The following SERINC1 variants were observed in gnomAD, a reference collection of about 807,000 sequenced individuals.
The protein encoded by SERINC1 is tumor differentially expressed protein 2.
SERINC1 carries 38 observed loss-of-function variants against 52.9 expected under a neutral mutation model. That is an observed-to-expected ratio of 0.72 (90% CI 0.55 to 0.94). The LOEUF (loss-of-function observed/expected upper bound fraction) is 0.94, where lower values mean the gene tolerates loss of function less well. Among genes scored for constraint, SERINC1 ranks in the 40% least tolerant of loss-of-function variants. SERINC1 has a pLI of 0.00. For missense variants in SERINC1, 471 were observed against 533.9 expected, an observed-to-expected ratio of 0.88 and a Z score of 1.16; for synonymous variants, 198 against 183.1, an observed-to-expected ratio of 1.08 and a Z score of -0.66.
chr6:122,451,800 C>G, intron 6 of SERINC1, 46 bp from the exon 7 acceptor site: 2 of 397,982 alleles, frequency 5.0e-6, no homozygotes, highest in Non-Finnish European at 7.2e-6. Context: ...TATATAGCAA[C>G]ACAGGTAAAT....
chr6:122,457,839 A>G (rs1171675153), intron 2 of SERINC1, among the ~76,000 whole-genome samples: 1 of 151,524 alleles, frequency 6.6e-6, no homozygotes, highest in Non-Finnish European at 1.5e-5. Context: ...ACACGATACA[A>G]TACCACCAAG....
intron 7 of SERINC1, among the ~76,000 whole-genome samples, chr6:122,448,211 G>A (rs1774841166): frequency 1.3e-5 from 2 of 151,526 alleles, no homozygotes; most frequent in South Asian, 4.2e-4. Flanking sequence ...TCTTACTAAT[G>A]AAAATGATTC....
At chr6:122,457,444 G>A (rs1327621371) in intron 2 of SERINC1, among the ~76,000 whole-genome samples, 1 of 152,098 alleles carries the variant, frequency 6.6e-6, no homozygotes, top group East Asian at 1.9e-4. Flanking sequence ...TCTACTTACT[G>A]CTGTATATTA....
chr6:122,447,291 G>A lies in SERINC1; in HGVS notation c.851-26C>T, dbSNP rs769339769. ...CTGTAATATAAAGCCAAATTAAAAT[G>A]TTAGAATATATTAAAAAGATGTTTT... is the stretch of plus-strand genomic sequence containing the variant. On this transcript the variant is annotated intron_variant, in intron 7 of 9. Transcript: ENST00000339697. 7 of 1,548,906 alleles carry A rather than the reference G, an allele frequency of 4.5e-6. No individual in the cohort carries two copies. In the Admixed American group the frequency reaches 1.2e-4, roughly 27 times the overall value.
chr6:122,448,513 CAT>C (rs34186745), intron 7 of SERINC1, among the ~76,000 whole-genome samples: 19,801 of 152,020 alleles, frequency 0.13, 1,395 homozygotes, highest in East Asian at 0.21. Flanking sequence ...CTCCTTTCAA[CAT>C]ATGTTTCTAT....
intron 3 of SERINC1, among the ~76,000 whole-genome samples, chr6:122,456,062 GGAA>G (rs1340081990): frequency 6.6e-6 from 1 of 152,062 alleles, no homozygotes; most frequent in Non-Finnish European, 1.5e-5. Flanking sequence ...TCTATATGAA[GGAA>G]GATTGATAAA....
chr6:122,467,501 G>A (rs1212789144), intron 1 of SERINC1, among the ~76,000 whole-genome samples: 1 of 152,148 alleles, frequency 6.6e-6, no homozygotes, highest in East Asian at 1.9e-4. Flanking sequence ...AGCTACTCAG[G>A]AGGCTGAGGC....
chr6:122,446,793 T>C lies in SERINC1; in HGVS notation c.1207A>G (p.Thr403Ala). 3 of 1,610,926 alleles carry C rather than the reference T, an allele frequency of 1.9e-6. No homozygotes were observed. The highest frequency in any genetic ancestry group is 2.5e-6 in the Non-Finnish European group (3 of 1,177,146). ...AAATACCTGTACCAGTTGGTAAGGG[T>C]CATCATGATATAAAGTGAAGCCAGG... ...LFLASLYIMM[T>A]LTNWYRYEPS... The change falls in exon 9 of 10, where the codon ACC becomes GCC. Residue 403 changes from threonine (T) to alanine (A), a missense_variant. Coordinates refer to ENST00000339697, the MANE Select transcript of SERINC1 (RefSeq NM_020755.4).
At chr6:122,450,358 T>C (rs1166195316) in intron 7 of SERINC1, among the ~76,000 whole-genome samples, 1 of 152,218 alleles carries the variant, frequency 6.6e-6, no homozygotes, top group Non-Finnish European at 1.5e-5. Context: ...TTAAGCCCAT[T>C]GTTGGGACTT....
intron 1 of SERINC1, among the ~76,000 whole-genome samples, chr6:122,469,743 G>C (rs1166935016): frequency 6.6e-6 from 1 of 151,942 alleles, no homozygotes; most frequent in East Asian, 1.9e-4. Flanking sequence ...ATTTTTAGTA[G>C]AGACGGGGTT....
chr6:122,467,255 T>A (rs1775206464), intron 1 of SERINC1, among the ~76,000 whole-genome samples: 1 of 152,132 alleles, frequency 6.6e-6, no homozygotes. Flanking sequence ...ATGACATGTA[T>A]CTGAACTTAG....
In SERINC1 at chr6:122,453,807, T is replaced by C. The variant is rs1213488053; in HGVS notation, c.552A>G (p.Glu184=). ...ATCTCGAGTTCCCTTCTTCCATTTT[T>C]TCAACCCACGATTCATTCCATGAAT... ...FAHSWNESWV[E]KMEEGNSRCW... is the part of the protein sequence containing the mutation. The change falls in exon 5 of 10, where the codon GAA becomes GAG. Residue 184 remains glutamate, a synonymous_variant. Transcript: ENST00000339697. 4 of 1,608,522 alleles carry C rather than the reference T, an allele frequency of 2.5e-6. No homozygotes were observed. In the South Asian group the frequency reaches 3.3e-5, roughly 13 times the overall value.
At chr6:122,454,787 A>AT (rs991728815) in intron 3 of SERINC1, among the ~76,000 whole-genome samples, 5 of 152,078 alleles carry the variant, frequency 3.3e-5, no homozygotes, top group African/African-American at 1.2e-4. Context: ...GGCAAAGGGA[A>AT]TACACAATGG....
chr6:122,456,848 C>T lies in SERINC1; in HGVS notation c.202-198G>A, dbSNP rs142333358. 5.3e-3 allele frequency among the ~76,000 whole-genome samples: 811 copies of T among 152,216 alleles called. 14 individuals carry two copies. The highest frequency in any genetic ancestry group is 0.019 in the African/African-American group (787 of 41,532). On this transcript the variant is annotated intron_variant, in intron 2 of 9. Coordinates refer to ENST00000339697, the MANE Select transcript of SERINC1 (RefSeq NM_020755.4). ...GAAAAAAGAGTTAAATCCCCATCTG[C>T]GCAAATCATAAACTACAATACCAAC...
chr6:122,455,061 T>C (rs113716857), intron 3 of SERINC1, among the ~76,000 whole-genome samples: 197 of 152,350 alleles, frequency 1.3e-3, no homozygotes, highest in Admixed American at 3.1e-3. Flanking sequence ...TTTTCAGTTG[T>C]AAGGTTAGTT....
At chr6:122,463,713 G>A (rs889459445) in intron 1 of SERINC1, among the ~76,000 whole-genome samples, 1 of 152,106 alleles carries the variant, frequency 6.6e-6, no homozygotes, top group Admixed American at 6.5e-5. Flanking sequence ...CAAGAATGCA[G>A]AGCAACTAGA....
At chr6:122,460,582 T>C (rs1775084542) in intron 1 of SERINC1, among the ~76,000 whole-genome samples, 1 of 152,210 alleles carries the variant, frequency 6.6e-6, no homozygotes, top group African/African-American at 2.4e-5. Flanking sequence ...AAGATCACAC[T>C]GTCTCTAAGT....
In SERINC1 at chr6:122,451,967, G is replaced by C; in HGVS notation, c.680C>G (p.Ser227Ter). The change falls in exon 6 of 10, where the codon TCA becomes TGA. Residue 227 changes from serine to a stop codon, truncating the protein, a stop_gained. Transcript: ENST00000339697. LOFTEE classifies it high-confidence loss of function. ...FVYYTHPASC[S>*]ENKAFISVNM... Reference sequence around the variant, plus strand: ...GACACTGATGAACGCCTTGTTTTCTGAACAACTGGCTGGATGAGTGTAGTA... The same window carrying C: ...GACACTGATGAACGCCTTGTTTTCTCAACAACTGGCTGGATGAGTGTAGTA... 6.3e-7 allele frequency: 1 copy of C among 1,599,056 alleles called. No individual in the cohort carries two copies. The highest frequency in any genetic ancestry group is 8.5e-7 in the Non-Finnish European group (1 of 1,173,270).
chr6:122,446,823 G>C lies in SERINC1; in HGVS notation c.1177C>G (p.Leu393Val). The change falls in exon 9 of 10, where the codon CTT becomes GTT. Residue 393 changes from leucine (L) to valine (V), a missense_variant. Leu to Val is a conservative substitution (Grantham distance 32, BLOSUM62 1). Coordinates refer to ENST00000339697, the MANE Select transcript of SERINC1 (RefSeq NM_020755.4). Reference sequence around the variant, plus strand: ...ATGATATAAAGTGAAGCCAGGAAAAGCATGAAGTGAAAGAAGGAATAACTG... The same window carrying C: ...ATGATATAAAGTGAAGCCAGGAAAACCATGAAGTGAAAGAAGGAATAACTG... ...TYSYSFFHFMLFLASLYIMMT... is the reference protein window; with the variant it reads ...TYSYSFFHFMVFLASLYIMMT... 6.2e-7 allele frequency: 1 copy of C among 1,613,978 alleles called. No homozygotes were observed. Among genetic ancestry groups the C allele is most frequent in the Non-Finnish European group, 8.5e-7 (1 of 1,179,868 alleles).
Sources: gnomAD v4.1 joint callset for allele counts (sites outside exome capture counted in the v4.1 genomes callset) on GRCh38, gnomAD v4.1.1 for gene constraint, MANE v1.5 for transcripts, NCBI Gene and HGNC (gene_info 2026-07-23, HGNC 2026-07-21) for gene names.